Variants in RBMS3 observed in about 807,000 individuals in gnomAD.
RBMS3 encodes RNA-binding motif, single-stranded-interacting protein 3.
Under a neutral mutation model 66.8 loss-of-function variants are expected in RBMS3, and 27 were observed. The observed-to-expected ratio is 0.40, with a 90% CI of 0.30 to 0.56. The LOEUF (loss-of-function observed/expected upper bound fraction) is 0.56. Ranked by LOEUF, RBMS3 falls within the 20% of genes least tolerant of loss-of-function variation. RBMS3 has a pLI of 0.40. For missense variants in RBMS3, 513 were observed against 549.5 expected (o/e 0.93, Z 0.66); for synonymous variants, 188 against 183.0 (o/e 1.03, Z -0.22).
At chr3:29,803,334 G>A (rs1200362818) in intron 6 of RBMS3, among the ~76,000 whole-genome samples, 1 of 152,116 alleles carries the variant, frequency 6.6e-6, no homozygotes, top group African/African-American at 2.4e-5. Context: ...ATTAAGTGGT[G>A]ACTCTGAAGA....
At chr3:29,321,828 G>C (rs1414321224) in intron 1 of RBMS3, among the ~76,000 whole-genome samples, 7 of 151,914 alleles carry the variant, frequency 4.6e-5, no homozygotes, top group Non-Finnish European at 1.0e-4. Context: ...GAAGTCCTGA[G>C]TTATGGGCAC....
chr3:29,851,851 A>G (rs1306137289), intron 6 of RBMS3, among the ~76,000 whole-genome samples: 2 of 152,202 alleles, frequency 1.3e-5, no homozygotes, highest in South Asian at 2.1e-4. Flanking sequence ...ATGTGTAACT[A>G]AAAAAGAACA....
At chr3:29,347,135 G>A (rs1225153027) in intron 1 of RBMS3, among the ~76,000 whole-genome samples, 1 of 152,184 alleles carries the variant, frequency 6.6e-6, no homozygotes, top group Admixed American at 6.5e-5. Context: ...GGAGGCTGAT[G>A]AGAGAGACAA....
At chr3:29,622,526 G>A (rs2048902804) in intron 4 of RBMS3, among the ~76,000 whole-genome samples, 1 of 152,184 alleles carries the variant, frequency 6.6e-6, no homozygotes, top group Non-Finnish European at 1.5e-5. Context: ...GAATTATTCA[G>A]TAAAATAATC....
At chr3:29,440,733 T>C (rs1445646420) in intron 2 of RBMS3, among the ~76,000 whole-genome samples, 4 of 152,212 alleles carry the variant, frequency 2.6e-5, no homozygotes, top group Non-Finnish European at 5.9e-5. Flanking sequence ...CCCTGTTGGA[T>C]GTCTCATTAT....
intron 4 of RBMS3, among the ~76,000 whole-genome samples, chr3:29,728,556 T>C (rs898896467): frequency 3.4e-4 from 52 of 152,166 alleles, no homozygotes; most frequent in African/African-American, 1.2e-3. Flanking sequence ...GGCAAGACAG[T>C]ATCACCTAGT....
At chr3:29,515,546 A>G (rs748573771) in intron 3 of RBMS3, among the ~76,000 whole-genome samples, 3 of 152,240 alleles carry the variant, frequency 2.0e-5, no homozygotes, top group Admixed American at 2.0e-4. Flanking sequence ...GCAGGAAGAC[A>G]GGCTGGAAGG....
chr3:29,612,946 T>G (rs1415605946), intron 4 of RBMS3, among the ~76,000 whole-genome samples: 1 of 152,156 alleles, frequency 6.6e-6, no homozygotes, highest in Non-Finnish European at 1.5e-5. Flanking sequence ...AATTAATTTT[T>G]AAGGACATGA....
At chr3:29,903,861 G>A (rs1308732371) in intron 10 of RBMS3, among the ~76,000 whole-genome samples, 1 of 151,814 alleles carries the variant, frequency 6.6e-6, no homozygotes, top group Non-Finnish European at 1.5e-5. Flanking sequence ...CAAAAAAGTT[G>A]CAAGCAAATA....
chr3:29,998,005 T>C (rs1372023347), intron 14 of RBMS3, among the ~76,000 whole-genome samples: 2 of 152,316 alleles, frequency 1.3e-5, no homozygotes, highest in African/African-American at 4.8e-5. Context: ...GACATGATTG[T>C]ATATCTAGAA....
chr3:29,307,618 T>TGA (rs1387624455), intron 1 of RBMS3, among the ~76,000 whole-genome samples: 1 of 151,916 alleles, frequency 6.6e-6, no homozygotes, highest in East Asian at 1.9e-4. Flanking sequence ...GAAGAACAGA[T>TGA]GAGAGACGCT....
At chr3:29,664,572 G>T (rs757742463) in intron 4 of RBMS3, among the ~76,000 whole-genome samples, 1 of 151,686 alleles carries the variant, frequency 6.6e-6, no homozygotes, top group Non-Finnish European at 1.5e-5. Context: ...TATAAATATG[G>T]TAGATAGCCA....
chr3:29,640,019 C>G (rs562889833), intron 4 of RBMS3, among the ~76,000 whole-genome samples: 4 of 151,912 alleles, frequency 2.6e-5, no homozygotes, highest in Admixed American at 6.6e-5. Context: ...TATGCCCTGA[C>G]CATCAGGAAG....
chr3:29,548,722 T>C (rs924958758), intron 3 of RBMS3, among the ~76,000 whole-genome samples: 1 of 152,014 alleles, frequency 6.6e-6, no homozygotes, highest in African/African-American at 2.4e-5. Flanking sequence ...CACCAGTGCA[T>C]GTAACCTCTC....
At chr3:29,703,260 C>G (rs2052714989) in intron 4 of RBMS3, among the ~76,000 whole-genome samples, 1 of 152,146 alleles carries the variant, frequency 6.6e-6, no homozygotes, top group South Asian at 2.1e-4. Flanking sequence ...ACTGTCTTCT[C>G]CATGGAAACT....
intron 4 of RBMS3, among the ~76,000 whole-genome samples, chr3:29,588,483 T>C (rs1004444270): frequency 6.6e-6 from 1 of 152,100 alleles, no homozygotes; most frequent in Non-Finnish European, 1.5e-5. Context: ...TAACTAGAGG[T>C]AAGATATTTG....
intron 14 of RBMS3, among the ~76,000 whole-genome samples, chr3:29,997,700 CT>C (rs1277458745): frequency 6.6e-6 from 1 of 151,790 alleles, no homozygotes; most frequent in Admixed American, 6.6e-5. Context: ...CAGAAAAAGC[CT>C]TTGACAAAAT....
At chr3:29,488,816 A>G (rs939743517) in intron 3 of RBMS3, among the ~76,000 whole-genome samples, 1 of 152,212 alleles carries the variant, frequency 6.6e-6, no homozygotes, top group South Asian at 2.1e-4. Context: ...GATTTCCTAT[A>G]TAAAAATGAG....
At chr3:29,412,723 G>A (rs952205604) in intron 1 of RBMS3, among the ~76,000 whole-genome samples, 1 of 152,136 alleles carries the variant, frequency 6.6e-6, no homozygotes, top group Non-Finnish European at 1.5e-5. Flanking sequence ...CAGCATTCCA[G>A]GGGTAGAAAT....
Sources: gnomAD v4.1 joint callset for allele counts (sites outside exome capture counted in the v4.1 genomes callset) on GRCh38, gnomAD v4.1.1 for gene constraint, MANE v1.5 for transcripts, NCBI Gene and HGNC (gene_info 2026-07-23, HGNC 2026-07-21) for gene names.